SH3BGRL2: variants seen among roughly 807,000 people sequenced by gnomAD.
SH3BGRL2 encodes SH3 domain binding glutamate rich protein like 2.
Under a neutral mutation model 14.8 loss-of-function variants are expected in SH3BGRL2, and 21 were observed. That is an observed-to-expected ratio of 1.42 (90% CI 1.01 to 2.05). The LOEUF is 2.05. Ranked by LOEUF, SH3BGRL2 falls within the 30% of genes most tolerant of loss-of-function variation. The pLI, the probability that SH3BGRL2 is intolerant of heterozygous loss-of-function variation, is 0.00. For missense variants in SH3BGRL2, 147 were observed against 130.8 expected, an observed-to-expected ratio of 1.12 and a Z score of -0.61; for synonymous variants, 50 against 47.8, an observed-to-expected ratio of 1.05 and a Z score of -0.19.
chr6:79,599,992 G>A, the SH3BGRL2 span, among the ~76,000 whole-genome samples: 14 of 152,110 alleles, frequency 9.2e-5, no homozygotes, highest in Non-Finnish European at 1.9e-4. Context: ...AAGCTATGTC[G>A]GACTTTCTTC....
At chr6:79,639,156 C>A (rs1242665704) in intron 1 of SH3BGRL2, among the ~76,000 whole-genome samples, 1 of 151,978 alleles carries the variant, frequency 6.6e-6, no homozygotes, top group African/African-American at 2.4e-5. Context: ...ATAAAAAGTT[C>A]TTAAATGAAT....
At chr6:79,573,099 T>A in the SH3BGRL2 span, among the ~76,000 whole-genome samples, 3 of 152,220 alleles carry the variant, frequency 2.0e-5, no homozygotes, top group East Asian at 5.8e-4. Flanking sequence ...AAAATATTCT[T>A]CTATACTTTA....
chr6:79,607,288 A>C, the SH3BGRL2 span, among the ~76,000 whole-genome samples: 3 of 152,176 alleles, frequency 2.0e-5, no homozygotes, highest in African/African-American at 7.2e-5. Context: ...CTAGAAGTCT[A>C]GTGGCCAGAT....
At chr6:79,643,894 G>C (rs115660332) in intron 1 of SH3BGRL2, among the ~76,000 whole-genome samples, 6 of 152,176 alleles carry the variant, frequency 3.9e-5, no homozygotes, top group Non-Finnish European at 8.8e-5. Context: ...GATTTCCTTC[G>C]AATGTGATTC....
chr6:79,643,836 C>T (rs535618700), intron 1 of SH3BGRL2, among the ~76,000 whole-genome samples: 2 of 152,212 alleles, frequency 1.3e-5, no homozygotes, highest in East Asian at 1.9e-4. Context: ...GGCAGTGCTC[C>T]GAAGAGACTG....
the SH3BGRL2 span, among the ~76,000 whole-genome samples, chr6:79,552,284 T>C: frequency 3.3e-5 from 5 of 152,178 alleles, no homozygotes; most frequent in South Asian, 8.3e-4. Context: ...TGAGCTGTGA[T>C]CATTTTAACA....
At chr6:79,674,803 G>A (rs1769849004) in intron 2 of SH3BGRL2, among the ~76,000 whole-genome samples, 3 of 152,198 alleles carry the variant, frequency 2.0e-5, no homozygotes, top group Admixed American at 2.0e-4. Flanking sequence ...TTAAGTTTGA[G>A]CACTAGTACT....
At chr6:79,600,154 T>C in the SH3BGRL2 span, among the ~76,000 whole-genome samples, 1 of 152,214 alleles carries the variant, frequency 6.6e-6, no homozygotes, top group Non-Finnish European at 1.5e-5. Context: ...TTCTATAAAA[T>C]CCCTAGCAAG....
chr6:79,598,893 A>C, the SH3BGRL2 span, among the ~76,000 whole-genome samples: 2 of 151,880 alleles, frequency 1.3e-5, no homozygotes, highest in African/African-American at 4.8e-5. Flanking sequence ...GACCAGCCTG[A>C]CCAACATGGA....
chr6:79,564,166 A>G, the SH3BGRL2 span, among the ~76,000 whole-genome samples: 229 of 151,690 alleles, frequency 1.5e-3, 3 homozygotes, highest in African/African-American at 5.1e-3. Flanking sequence ...AACAAAAAAT[A>G]TATCTAACGA....
chr6:79,636,234 A>G (rs1477651139), intron 1 of SH3BGRL2, among the ~76,000 whole-genome samples: 1 of 152,214 alleles, frequency 6.6e-6, no homozygotes, highest in Non-Finnish European at 1.5e-5. Context: ...CCTGGTGGGC[A>G]GGTGGCTTTA....
chr6:79,575,786 T>G, the SH3BGRL2 span, among the ~76,000 whole-genome samples: 4 of 121,616 alleles, frequency 3.3e-5, no homozygotes, highest in East Asian at 7.9e-4. Flanking sequence ...TTTTTAAAAA[T>G]ATTTTATTTT....
chr6:79,545,840 C>T, the SH3BGRL2 span, among the ~76,000 whole-genome samples: 5 of 152,140 alleles, frequency 3.3e-5, no homozygotes, highest in African/African-American at 7.2e-5. Flanking sequence ...ACCTTGCTAA[C>T]GTGCTGTCAT....
chr6:79,684,515 T>G (rs1338710675), intron 2 of SH3BGRL2, among the ~76,000 whole-genome samples: 1 of 152,202 alleles, frequency 6.6e-6, no homozygotes, highest in East Asian at 1.9e-4. Flanking sequence ...CATGGTTATA[T>G]GAATGGGTAA....
chr6:79,627,341 G>A (rs1041658046), upstream of SH3BGRL2, among the ~76,000 whole-genome samples: 2 of 152,208 alleles, frequency 1.3e-5, no homozygotes, highest in Non-Finnish European at 1.5e-5. Context: ...GAACACAAAT[G>A]TGGTCCAAAT....
Position 79,652,461 on chromosome 6 carries a change from C to T in SH3BGRL2, c.45+20955C>T, listed in dbSNP as rs558204688. ...ACAGATTGGAACATTAGTATAAGAA[C>T]GACAGCAAACTGGTCCTTGGCCACT... On this transcript the variant is annotated intron_variant, in intron 1 of 3. Transcript: ENST00000369838. Among the ~76,000 whole-genome samples, 48 of 152,174 alleles carry T rather than the reference C, an allele frequency of 3.2e-4. No homozygotes were observed. In the South Asian group the frequency reaches 8.9e-3, roughly 28 times the overall value.
At chr6:79,545,553 G>A in the SH3BGRL2 span, among the ~76,000 whole-genome samples, 1 of 152,050 alleles carries the variant, frequency 6.6e-6, no homozygotes, top group South Asian at 2.1e-4. Context: ...TAGGAAAATC[G>A]TTTCAGAAAT....
intron 2 of SH3BGRL2, among the ~76,000 whole-genome samples, chr6:79,693,269 G>C (rs1770263480): frequency 6.6e-6 from 1 of 152,070 alleles, no homozygotes; most frequent in African/African-American, 2.4e-5. Context: ...TGAGACAATG[G>C]GGTTTTCTAG....
At chr6:79,537,930 C>G in the SH3BGRL2 span, among the ~76,000 whole-genome samples, 1 of 150,230 alleles carries the variant, frequency 6.7e-6, no homozygotes, top group South Asian at 2.1e-4. Context: ...CTGTGAATCA[C>G]CAACGAGCCG....
Sources: allele counts gnomAD v4.1 joint callset (sites outside exome capture counted in the v4.1 genomes callset), GRCh38; gene constraint gnomAD v4.1.1; transcripts MANE v1.5; gene names NCBI Gene and HGNC (gene_info 2026-07-23, HGNC 2026-07-21).